The following ACADS variants were observed in gnomAD, a reference collection of about 807,000 sequenced individuals.
The protein encoded by ACADS is short-chain specific acyl-CoA dehydrogenase, mitochondrial.
ACADS carries 28 observed loss-of-function variants against 46.8 expected under a neutral mutation model. The observed-to-expected ratio is 0.60, with a 90% CI of 0.44 to 0.82. The LOEUF is 0.82. ACADS is among the 40% of genes least tolerant of loss of function. The pLI is 0.00. For missense variants in ACADS, 528 were observed against 578.0 expected, an observed-to-expected ratio of 0.91 and a Z score of 0.89; for synonymous variants, 236 against 237.7, an observed-to-expected ratio of 0.99 and a Z score of 0.07.
chr12:120,739,473 TGCGGGAAGGC>T lies in ACADS; in HGVS notation c.*32_*41del. 2.5e-6 allele frequency: 4 copies of T among 1,597,522 alleles called. No homozygotes were observed. Among genetic ancestry groups the T allele is most frequent in the Non-Finnish European group, 2.6e-6 (3 of 1,175,524 alleles). ...AGCCCGCGGCGGACTGCCCCAGGAC[TGCGGGAAGGC>T]GCGGGAGCCAGGGGCCTCCACCCCA... On this transcript the variant is annotated 3_prime_UTR_variant, in exon 10 of 10. Coordinates refer to ENST00000242592, the MANE Select transcript of ACADS (RefSeq NM_000017.4).
intron 1 of ACADS, 79 bp downstream of exon 1, chr12:120,726,010 TGTCAGAGCCGCTG>T (rs1206453802): frequency 7.2e-7 from 1 of 1,386,272 alleles, no homozygotes; most frequent in East Asian, 2.8e-5. Context: ...CGGCCGGCTC[TGTCAGAGCCGCTG>T]GCAGGCGGAG....
At position 120,725,919 on chromosome 12, in the gene ACADS, C is replaced by G; in HGVS notation, c.34C>G (p.Pro12Ala). 1 of 1,555,208 alleles carries G rather than the reference C, an allele frequency of 6.4e-7. No homozygotes were observed. Among genetic ancestry groups the G allele is most frequent in the Non-Finnish European group, 8.6e-7 (1 of 1,160,002 alleles). Residue 12 changes from proline to alanine, a missense_variant, in exon 1 of 10, where the codon CCT becomes GCT. Physicochemically the swap from Pro to Ala is conservative, Grantham distance 27. Transcript: ENST00000242592. ...AAALLARASG[P>A]ARRALCPRAW... ...CGCGCTGCTCGCCCGGGCCTCGGGC[C>G]CTGCCCGCAGAGGTGAGTGCGCTGG...
At chr12:120,736,317 C>T (rs1883434731) in intron 2 of ACADS, among the ~76,000 whole-genome samples, 1 of 152,066 alleles carries the variant, frequency 6.6e-6, no homozygotes, top group African/African-American at 2.4e-5. Context: ...ATTAAGAGTC[C>T]CAAGCTCTTA....
At position 120,731,782 on chromosome 12, in the gene ACADS, C is replaced by G. The variant is rs573928838; in HGVS notation, c.210+4593C>G. On this transcript the variant is annotated intron_variant, in intron 2 of 9. Transcript: ENST00000242592. ...TGGTTTTCCTAGGCAGAGGACCCTGCGGCCTTCCGCAGTGTTTGTGTCCCT... is the reference window on the plus strand; with the variant it reads ...TGGTTTTCCTAGGCAGAGGACCCTGGGGCCTTCCGCAGTGTTTGTGTCCCT... 2.8e-4 allele frequency among the ~76,000 whole-genome samples: 43 copies of G among 152,074 alleles called. 1 individual carries two copies. The South Asian group carries it at 4.0e-3, about 14-fold the overall frequency.
In ACADS at chr12:120,737,837, G is replaced by A; in HGVS notation, c.473G>A (p.Gly158Glu). 1 of 1,613,950 alleles carries A rather than the reference G, an allele frequency of 6.2e-7. No homozygotes were observed. The highest frequency in any genetic ancestry group is 1.3e-5 in the African/African-American group (1 of 75,018). Residue 158 changes from glycine (G) to glutamate (E), a missense_variant and splice_region_variant, in exon 5 of 10, where the codon GGG becomes GAG. Transcript: ENST00000242592. ...KIGCFALSEPGNGSDAGAAST... is the reference protein window; with the variant it reads ...KIGCFALSEPENGSDAGAAST... ...CTGAGCCCTGGGTCTGTGTGGGCAG[G>A]GAACGGCAGTGATGCAGGAGCTGCG... is the stretch of plus-strand genomic sequence containing the variant.
rs755422814 is a variant in ACADS, at chr12:120,737,343, G to T, written c.361-13G>T. On this transcript the variant is annotated splice_polypyrimidine_tract_variant and intron_variant, in intron 3 of 9. Transcript: ENST00000242592. ...GGCCTGGGGCCTCCGACCGCTCCCCGCTGTCCTCCTAGTCTCTCTACCTGG... is the reference window on the plus strand; with the variant it reads ...GGCCTGGGGCCTCCGACCGCTCCCCTCTGTCCTCCTAGTCTCTCTACCTGG... 5 of 1,612,340 alleles carry T rather than the reference G, an allele frequency of 3.1e-6. No homozygotes were observed. The highest frequency in any genetic ancestry group is 4.5e-5 in the East Asian group (2 of 44,856).
chr12:120,739,372 CTG>C lies in ACADS; in HGVS notation c.1164_1165del (p.Glu389AspfsTer101), dbSNP rs1057516421. The C allele has an allele frequency of 2.5e-6, 4 of 1,612,974 alleles. No homozygotes were observed. The highest frequency in any genetic ancestry group is 2.2e-5 in the East Asian group (1 of 44,886). On this transcript the variant is annotated frameshift_variant, in exon 10 of 10. Transcript: ENST00000242592. LOFTEE classifies it high-confidence loss of function. ...CGGCACTACCGCGACGCCCGCATCA[CTG>C]AGATCTACGAGGGCACCAGCGAAAT...
At chr12:120,736,265 A>G (rs936925189) in intron 2 of ACADS, among the ~76,000 whole-genome samples, 4 of 152,126 alleles carry the variant, frequency 2.6e-5, no homozygotes, top group Non-Finnish European at 5.9e-5. Flanking sequence ...TACAGGTGTG[A>G]TCACTGCTCC....
intron 2 of ACADS, among the ~76,000 whole-genome samples, chr12:120,734,693 G>A (rs1378948434): frequency 6.6e-6 from 1 of 151,634 alleles, no homozygotes; most frequent in Non-Finnish European, 1.5e-5. Context: ...GATCACTCGA[G>A]CCAGGAGTTC....
At chr12:120,733,538 CCTGCTGAAATGGTG>C (rs1883336474) in intron 2 of ACADS, among the ~76,000 whole-genome samples, 1 of 4,604 alleles carries the variant, frequency 2.2e-4, no homozygotes, top group Non-Finnish European at 3.6e-4. Context: ...TTGGTTCCTG[CCTGCTGAAATGGTG>C]CCTGCTGAAA....
In ACADS at chr12:120,737,997, A is replaced by G. The variant is rs567431514; in HGVS notation, c.624+9A>G. The G allele has an allele frequency of 6.2e-7, 1 of 1,613,546 alleles. No individual in the cohort carries two copies. The highest frequency in any genetic ancestry group is 2.2e-5 in the East Asian group (1 of 44,876). On this transcript the variant is annotated intron_variant, in intron 5 of 9. Coordinates refer to ENST00000242592, the MANE Select transcript of ACADS (RefSeq NM_000017.4). ...GAGCCCTGCAAAACAAGGTGGGCCC[A>G]CCCAGAGAGGGGTTCAGCCGGATCC...
At chr12:120,738,181 T>G in intron 5 of ACADS, 99 bp from the exon 6 acceptor site, 2 of 1,591,206 alleles carry the variant, frequency 1.3e-6, no homozygotes, top group Non-Finnish European at 1.7e-6. Context: ...CCTGAGCTTC[T>G]GAGGGAGGTG....
chr12:120,726,867 A>G (rs1883100591), intron 1 of ACADS, among the ~76,000 whole-genome samples, 159 bp from the exon 2 acceptor site: 1 of 152,150 alleles, frequency 6.6e-6, no homozygotes, highest in African/African-American at 2.4e-5. Context: ...CTGGGTACCA[A>G]TAGTATTCCC....
intron 2 of ACADS, among the ~76,000 whole-genome samples, chr12:120,731,504 G>A (rs952300887): frequency 4.6e-5 from 7 of 150,808 alleles, no homozygotes; most frequent in African/African-American, 1.5e-4. Flanking sequence ...GCCCAGGCTG[G>A]AGTATAGTGG....
chr12:120,732,725 C>G (rs1361079510), intron 2 of ACADS, among the ~76,000 whole-genome samples: 1 of 128,758 alleles, frequency 7.8e-6, no homozygotes, highest in African/African-American at 2.9e-5. Flanking sequence ...AGAGGCGCTC[C>G]TCACTTCCCA....
At chr12:120,737,611 C>A in intron 4 of ACADS, 144 bp downstream of exon 4, 1 of 1,058,810 alleles carries the variant, frequency 9.4e-7, no homozygotes, top group Non-Finnish European at 1.4e-6. Context: ...CTTGCCACCG[C>A]GGCGCTGGGA....
At chr12:120,738,510 A>G (rs374425797) in intron 6 of ACADS, 23 bp from the exon 7 acceptor site, 1 of 1,606,532 alleles carries the variant, frequency 6.2e-7, no homozygotes, top group African/African-American at 1.3e-5. Context: ...CTGGCGGGCC[A>G]CTGACCAGGG....
chr12:120,728,142 T>G lies in ACADS; in HGVS notation c.210+953T>G, dbSNP rs1883143769. Among the ~76,000 whole-genome samples, 1 of 151,840 alleles carries G rather than the reference T, an allele frequency of 6.6e-6. No individual in the cohort carries two copies. The highest frequency in any genetic ancestry group is 1.5e-5 in the Non-Finnish European group (1 of 67,964). ...TTGTACTTTCAGTAGAGATGGGGTT[T>G]CTCCATGTTGGGCAGGCTGGTCTCA... On this transcript the variant is annotated intron_variant, in intron 2 of 9. Transcript: ENST00000242592. The surrounding 1 kb of genome is among the most constrained non-coding windows in gnomAD (Gnocchi z 4.0).
chr12:120,738,203 G>A (rs758716619), intron 5 of ACADS, 77 bp from the exon 6 acceptor site: 14 of 1,608,740 alleles, frequency 8.7e-6, no homozygotes, highest in African/African-American at 2.7e-5. Context: ...GGAGGGGACC[G>A]GGTTGGTGTT....
Sources: gnomAD v4.1 joint callset for allele counts (sites outside exome capture counted in the v4.1 genomes callset) on GRCh38, gnomAD v4.1.1 for gene constraint, Gnocchi (gnomAD v3.1) non-coding constraint, MANE v1.5 for transcripts, NCBI Gene and HGNC (gene_info 2026-07-23, HGNC 2026-07-21) for gene names.